The following PTPRD variants were observed in gnomAD, a reference collection of about 807,000 sequenced individuals.
The protein encoded by PTPRD is receptor-type tyrosine-protein phosphatase delta.
A neutral mutation model predicts 214.5 loss-of-function variants in PTPRD; 34 were observed. The observed-to-expected ratio is 0.16, with a 90% CI of 0.12 to 0.21. PTPRD has a LOEUF of 0.21. Ranked by LOEUF, PTPRD falls within the 10% of genes least tolerant of loss-of-function variation. PTPRD has a pLI of 1.00. For missense variants in PTPRD, 2,545 were observed against 2,398.7 expected (o/e 1.06, Z -1.27); for synonymous variants, 1,128 against 845.7 (o/e 1.33, Z -5.79).
At chr9:9,425,008 G>A (rs1212462138) in intron 8 of PTPRD, among the ~76,000 whole-genome samples, 1 of 152,126 alleles carries the variant, frequency 6.6e-6, no homozygotes, top group African/African-American at 2.4e-5. Context: ...CAGCAGAAGT[G>A]TTATTATATC....
intron 2 of PTPRD, among the ~76,000 whole-genome samples, chr9:10,398,743 G>A (rs564302383): frequency 2.0e-5 from 3 of 152,038 alleles, no homozygotes; most frequent in South Asian, 2.1e-4. Flanking sequence ...TGGCGGCCAC[G>A]TATGCATATT....
At position 10,408,706 on chromosome 9, in the gene PTPRD, A is replaced by G. The variant is rs116475472; in HGVS notation, c.-599-67689T>C. ...TTTGCATGCTACTGGTACTGTATTT[A>G]TCGTGTAACAACTTGGGTTTAATCC... is the stretch of plus-strand genomic sequence containing the variant. On this transcript the variant is annotated intron_variant, in intron 2 of 45. Transcript: ENST00000381196. Among the ~76,000 whole-genome samples the G allele has an allele frequency of 3.5e-3, 528 of 151,822 alleles. 2 individuals carry two copies. Among genetic ancestry groups the G allele is most frequent in the African/African-American group, 0.012 (486 of 41,486 alleles).
At chr9:8,639,401 T>C (rs1243587376) in intron 12 of PTPRD, among the ~76,000 whole-genome samples, 1 of 151,914 alleles carries the variant, frequency 6.6e-6, no homozygotes, top group Non-Finnish European at 1.5e-5. Context: ...ACTGTCATTT[T>C]TAGCTACCTT....
intron 8 of PTPRD, among the ~76,000 whole-genome samples, chr9:9,468,978 A>C (rs1003857104): frequency 2.6e-5 from 4 of 152,124 alleles, no homozygotes; most frequent in African/African-American, 9.7e-5. Context: ...TGTACCATTC[A>C]ATCCTTCATC....
At position 8,486,137 on chromosome 9, in the gene PTPRD, T is replaced by A. The variant is rs565060815; in HGVS notation, c.2680A>T (p.Arg894Trp). Residue 894 changes from arginine (R) to tryptophan (W), a missense_variant, in exon 28 of 46, where the codon AGG becomes TGG. Coordinates refer to ENST00000381196, the MANE Select transcript of PTPRD (RefSeq NM_002839.4). ...DIHKGASYVF[R>W]LSARNKVGFG... Reference sequence around the variant, plus strand: ...CCCACTTTGTTTCTGGCTGAGAGCCTGAAGACGTATGATGCTCCCTTGTGG... The same window carrying A: ...CCCACTTTGTTTCTGGCTGAGAGCCAGAAGACGTATGATGCTCCCTTGTGG... 5.0e-6 allele frequency: 8 copies of A among 1,614,206 alleles called. 1 individual carries two copies. In the South Asian group the frequency reaches 8.8e-5, roughly 18 times the overall value.
intron 7 of PTPRD, among the ~76,000 whole-genome samples, chr9:9,584,359 CATTATT>C (rs565638451): frequency 4.0e-5 from 6 of 149,210 alleles, no homozygotes; most frequent in East Asian, 3.9e-4. Context: ...ATTTCATCAC[CATTATT>C]ATTATTATTA....
chr9:10,351,733 G>C (rs1199744137), intron 2 of PTPRD, among the ~76,000 whole-genome samples: 1 of 150,350 alleles, frequency 6.7e-6, no homozygotes, highest in Non-Finnish European at 1.5e-5. Flanking sequence ...AAAAAAAAAT[G>C]TAAACTTTTT....
intron 10 of PTPRD, among the ~76,000 whole-genome samples, chr9:9,074,049 T>G (rs575477720): frequency 4.5e-4 from 69 of 152,192 alleles, no homozygotes; most frequent in African/African-American, 1.4e-3. Context: ...AAGATTTCAT[T>G]AAATAGAAGC....
intron 8 of PTPRD, among the ~76,000 whole-genome samples, chr9:9,509,816 T>A (rs2096657497): frequency 6.7e-6 from 1 of 149,894 alleles, no homozygotes; most frequent in African/African-American, 2.5e-5. Context: ...AAAAAAAACA[T>A]TAAAAAATAT....
intron 14 of PTPRD, among the ~76,000 whole-genome samples, chr9:8,557,181 T>G (rs556940236): frequency 1.1e-4 from 16 of 152,056 alleles, no homozygotes; most frequent in African/African-American, 3.6e-4. Flanking sequence ...AACCTACTCC[T>G]TGATGAAGAT....
chr9:8,908,532 A>T (rs2098724141), intron 11 of PTPRD, among the ~76,000 whole-genome samples: 1 of 152,092 alleles, frequency 6.6e-6, no homozygotes, highest in Non-Finnish European at 1.5e-5. Flanking sequence ...AAATTAGAAA[A>T]TACTTTGAAC....
chr9:9,393,820 C>G (rs887261310), intron 9 of PTPRD, among the ~76,000 whole-genome samples: 1 of 152,094 alleles, frequency 6.6e-6, no homozygotes, highest in African/African-American at 2.4e-5. Context: ...AAGGCCTGAG[C>G]TATAGTAAGT....
intron 12 of PTPRD, among the ~76,000 whole-genome samples, chr9:8,716,189 G>T (rs1349280081): frequency 6.6e-6 from 1 of 152,158 alleles, no homozygotes; most frequent in Non-Finnish European, 1.5e-5. Context: ...AAGAGAGGGG[G>T]AGCCTCTCTC....
chr9:9,172,323 G>C (rs965800124), intron 10 of PTPRD, among the ~76,000 whole-genome samples: 3 of 152,108 alleles, frequency 2.0e-5, no homozygotes, highest in Non-Finnish European at 4.4e-5. Flanking sequence ...AAGAAACATA[G>C]TAATAAAGTC....
At chr9:9,296,437 G>C (rs867260496) in intron 9 of PTPRD, among the ~76,000 whole-genome samples, 5 of 151,628 alleles carry the variant, frequency 3.3e-5, no homozygotes, top group Admixed American at 2.0e-4. Context: ...TTAAATAATT[G>C]AGTTGACCAT....
At chr9:9,833,480 G>C (rs572697947) in intron 5 of PTPRD, among the ~76,000 whole-genome samples, 2 of 150,896 alleles carry the variant, frequency 1.3e-5, no homozygotes, top group Non-Finnish European at 3.0e-5. Context: ...GGACCGAGGC[G>C]AAATTAAAAT....
At chr9:9,768,751 A>G (rs1426659157) in intron 5 of PTPRD, among the ~76,000 whole-genome samples, 1 of 152,234 alleles carries the variant, frequency 6.6e-6, no homozygotes, top group African/African-American at 2.4e-5. Context: ...AATAGCCATG[A>G]AAACAAAAGT....
At chr9:9,532,589 A>C (rs1037325505) in intron 8 of PTPRD, among the ~76,000 whole-genome samples, 5 of 152,164 alleles carry the variant, frequency 3.3e-5, no homozygotes, top group African/African-American at 1.2e-4. Flanking sequence ...CTACATGAAA[A>C]GGCTTTCCAA....
chr9:9,767,993 C>T (rs956442278), intron 5 of PTPRD, among the ~76,000 whole-genome samples: 19 of 152,114 alleles, frequency 1.2e-4, no homozygotes, highest in Admixed American at 1.2e-3. Flanking sequence ...CGAAACAGCA[C>T]AAAATACAAG....
Sources: allele counts gnomAD v4.1 joint callset (sites outside exome capture counted in the v4.1 genomes callset), GRCh38; gene constraint gnomAD v4.1.1; transcripts MANE v1.5; gene names NCBI Gene and HGNC (gene_info 2026-07-23, HGNC 2026-07-21).